Variants in ZNF804A observed in about 807,000 individuals in gnomAD.
ZNF804A encodes zinc finger protein 804A.
ZNF804A carries 2 observed loss-of-function variants against 16.5 expected under a neutral mutation model. That is an observed-to-expected ratio of 0.12 (90% CI 0.05 to 0.38). The LOEUF (loss-of-function observed/expected upper bound fraction) is 0.38. ZNF804A is among the 10% of genes least tolerant of loss of function. ZNF804A has a pLI of 0.99. For missense variants in ZNF804A, 1,473 were observed against 1,390.7 expected (o/e 1.06, Z -0.94); for synonymous variants, 534 against 489.6 (o/e 1.09, Z -1.20).
At chr2:184,820,100 C>T (rs183422931) in intron 1 of ZNF804A, among the ~76,000 whole-genome samples, 15 of 152,064 alleles carry the variant, frequency 9.9e-5, no homozygotes, top group African/African-American at 3.6e-4. Flanking sequence ...TAAAACCTGG[C>T]AGATATACAA....
chr2:184,691,384 T>C (rs1692721883), intron 1 of ZNF804A, among the ~76,000 whole-genome samples: 1 of 151,892 alleles, frequency 6.6e-6, no homozygotes, highest in Non-Finnish European at 1.5e-5. Flanking sequence ...TTGTTCCAAG[T>C]CAATTGGTAT....
intron 1 of ZNF804A, among the ~76,000 whole-genome samples, chr2:184,864,074 T>C (rs1185516964): frequency 1.3e-5 from 2 of 152,188 alleles, no homozygotes; most frequent in Admixed American, 6.5e-5. Flanking sequence ...AAAGAATACT[T>C]GAGGCTGGGT....
intron 1 of ZNF804A, among the ~76,000 whole-genome samples, chr2:184,847,294 C>T (rs1025154025): frequency 1.9e-4 from 29 of 151,910 alleles, no homozygotes; most frequent in African/African-American, 6.8e-4. Flanking sequence ...TTTTAAAGAC[C>T]TTACATCTAA....
chr2:184,879,858 A>G (rs1012856087), intron 2 of ZNF804A, among the ~76,000 whole-genome samples: 6 of 152,076 alleles, frequency 3.9e-5, no homozygotes, highest in Non-Finnish European at 8.8e-5. Flanking sequence ...AATGTTACAG[A>G]CAACTATTCA....
chr2:184,861,708 A>G (rs566950558), intron 1 of ZNF804A, among the ~76,000 whole-genome samples: 24 of 152,332 alleles, frequency 1.6e-4, no homozygotes, highest in Admixed American at 6.5e-4. Context: ...TGAGGCTACT[A>G]TGAATTGCGT....
intron 2 of ZNF804A, among the ~76,000 whole-genome samples, chr2:184,901,156 C>A (rs1685175718): frequency 6.6e-6 from 1 of 152,108 alleles, no homozygotes; most frequent in Non-Finnish European, 1.5e-5. Context: ...ATAAAACTAT[C>A]TTAATACCTG....
chr2:184,668,168 A>G (rs1048123463), intron 1 of ZNF804A, among the ~76,000 whole-genome samples: 1 of 151,838 alleles, frequency 6.6e-6, no homozygotes, highest in Non-Finnish European at 1.5e-5. Flanking sequence ...AATGTTTAAT[A>G]AATTATAATT....
At chr2:184,703,912 G>A (rs7583953) in intron 1 of ZNF804A, among the ~76,000 whole-genome samples, 42,106 of 151,648 alleles carry the variant, frequency 0.28, 7,032 homozygotes, top group African/African-American at 0.47. Flanking sequence ...AAAACTAGAA[G>A]TTCAACATGA....
intron 1 of ZNF804A, among the ~76,000 whole-genome samples, chr2:184,834,150 G>T (rs1695306868): frequency 6.6e-6 from 1 of 151,810 alleles, no homozygotes; most frequent in Non-Finnish European, 1.5e-5. Flanking sequence ...TTATCTCCAT[G>T]ATTTATTTAC....
intron 1 of ZNF804A, among the ~76,000 whole-genome samples, chr2:184,740,849 G>C (rs1693699744): frequency 6.6e-6 from 1 of 152,124 alleles, no homozygotes; most frequent in African/African-American, 2.4e-5. Flanking sequence ...CACTGTGAGA[G>C]AGAGCTTTAG....
At chr2:184,676,592 A>G (rs555497824) in intron 1 of ZNF804A, among the ~76,000 whole-genome samples, 1 of 151,882 alleles carries the variant, frequency 6.6e-6, no homozygotes, top group African/African-American at 2.4e-5. Flanking sequence ...ATCATATACA[A>G]TATGAGTATT....
intron 1 of ZNF804A, among the ~76,000 whole-genome samples, chr2:184,741,942 C>A (rs951350827): frequency 1.3e-5 from 2 of 151,966 alleles, no homozygotes; most frequent in African/African-American, 4.8e-5. Flanking sequence ...TATAGAGAAG[C>A]AATACAGTCA....
chr2:184,776,768 T>G (rs12693389), intron 1 of ZNF804A, among the ~76,000 whole-genome samples: 20,952 of 151,424 alleles, frequency 0.14, 1,559 homozygotes, highest in Middle Eastern at 0.23. Flanking sequence ...GTTTTGCACC[T>G]ATTGGACATT....
intron 2 of ZNF804A, among the ~76,000 whole-genome samples, chr2:184,914,590 G>C (rs903716686): frequency 6.6e-6 from 1 of 151,956 alleles, no homozygotes; most frequent in African/African-American, 2.4e-5. Flanking sequence ...TCTAAGAGTT[G>C]GAAATCTAAA....
At chr2:184,893,568 A>C (rs1685019335) in intron 2 of ZNF804A, among the ~76,000 whole-genome samples, 1 of 152,150 alleles carries the variant, frequency 6.6e-6, no homozygotes, top group Admixed American at 6.5e-5. Context: ...CAGGGACTAA[A>C]TTTCACCAAT....
Position 184,936,873 on chromosome 2 carries a change from T to C in ZNF804A, c.1477T>C (p.Cys493Arg). 2.5e-6 allele frequency: 4 copies of C among 1,613,446 alleles called. No individual in the cohort carries two copies. The highest frequency in any genetic ancestry group is 3.4e-6 in the Non-Finnish European group (4 of 1,179,722). Residue 493 changes from cysteine (C) to arginine (R), a missense_variant, in exon 4 of 4, where the codon TGC becomes CGC. Transcript: ENST00000302277. ...LCSQQKQEDI[C>R]MGPLSDYKDV... ...TTCTCAGCAGAAGCAGGAAGACATT[T>C]GCATGGGACCACTTTCAGATTACAA...
At chr2:184,928,595 C>A (rs1388135139) in intron 2 of ZNF804A, among the ~76,000 whole-genome samples, 1 of 152,110 alleles carries the variant, frequency 6.6e-6, no homozygotes, top group Non-Finnish European at 1.5e-5. Context: ...GAGTTGCAGT[C>A]TAGACTGCCG....
chr2:184,933,493 C>A, intron 2 of ZNF804A, 110 bp from the exon 3 acceptor site: 2 of 1,031,150 alleles, frequency 1.9e-6, no homozygotes, highest in Admixed American at 3.2e-5. Flanking sequence ...GTGTTTACCT[C>A]TCGACAAGGT....
intron 1 of ZNF804A, among the ~76,000 whole-genome samples, chr2:184,844,179 C>T (rs1423764292): frequency 6.6e-6 from 1 of 151,604 alleles, no homozygotes; most frequent in Admixed American, 6.6e-5. Context: ...ATTATACCCC[C>T]CCCCATTTCT....
Sources: gnomAD v4.1 joint callset for allele counts (sites outside exome capture counted in the v4.1 genomes callset) on GRCh38, gnomAD v4.1.1 for gene constraint, MANE v1.5 for transcripts, NCBI Gene and HGNC (gene_info 2026-07-23, HGNC 2026-07-21) for gene names.